Variants in NRG1 observed in about 807,000 individuals in gnomAD.
The protein encoded by NRG1 is pro-neuregulin-1, membrane-bound isoform.
NRG1 carries 18 observed loss-of-function variants against 63.8 expected under a neutral mutation model. That is an observed-to-expected ratio of 0.28 (90% confidence interval 0.19 to 0.42). The LOEUF is 0.42. Ranked by LOEUF, NRG1 falls within the 10% of genes least tolerant of loss-of-function variation. The pLI, the probability that NRG1 is intolerant of heterozygous loss-of-function variation, is 1.00. For synonymous variants in NRG1, 302 were observed against 301.3 expected (o/e 1.00, Z -0.02); for missense variants, 762 against 814.7 (o/e 0.94, Z 0.79).
chr8:32,089,710 G>T (rs539201131), intron 1 of NRG1, among the ~76,000 whole-genome samples: 28 of 152,240 alleles, frequency 1.8e-4, no homozygotes, highest in Non-Finnish European at 3.8e-4. Flanking sequence ...TGACAGAAAC[G>T]CTCATACATT....
At chr8:31,719,975 A>G (rs1812742431) in intron 1 of NRG1, among the ~76,000 whole-genome samples, 1 of 152,018 alleles carries the variant, frequency 6.6e-6, no homozygotes, top group African/African-American at 2.4e-5. Context: ...AGTTATAGGG[A>G]GGGTAAACAC....
At chr8:32,355,183 T>C (rs1033355138) in intron 1 of NRG1, among the ~76,000 whole-genome samples, 1 of 152,110 alleles carries the variant, frequency 6.6e-6, no homozygotes, top group Admixed American at 6.6e-5. Flanking sequence ...AGCAGTCTGG[T>C]TGTGGTGGCT....
intron 1 of NRG1, among the ~76,000 whole-genome samples, chr8:32,412,549 T>A (rs1815256335): frequency 6.7e-6 from 1 of 148,926 alleles, no homozygotes; most frequent in Admixed American, 6.8e-5. Flanking sequence ...CACTTAACAA[T>A]AGGATATATT....
rs1161918698 is a variant in NRG1, at chr8:32,236,284, GA to G, written c.38-359540del. Among the ~76,000 whole-genome samples the G allele has an allele frequency of 2.6e-5, 4 of 152,136 alleles. No individual in the cohort carries two copies. The East Asian group carries it at 5.8e-4, about 22-fold the overall frequency. On this transcript the variant is annotated intron_variant, in intron 1 of 10. Coordinates refer to the NRG1 transcript ENST00000519301. ...TAGCCCTGGAATCAAACCTGGGGGG[GA>G]AAATCAAATTATGATATTAAAGAAA...
intron 1 of NRG1, among the ~76,000 whole-genome samples, chr8:31,816,254 T>G (rs1465588717): frequency 6.6e-6 from 1 of 152,194 alleles, no homozygotes; most frequent in Non-Finnish European, 1.5e-5. Context: ...TGTGTGTCCC[T>G]GTTGTTGGGG....
At chr8:31,828,778 A>G (rs1414374038) in intron 1 of NRG1, among the ~76,000 whole-genome samples, 1 of 151,656 alleles carries the variant, frequency 6.6e-6, no homozygotes, top group Non-Finnish European at 1.5e-5. Context: ...AGCTTCATCC[A>G]CTCCCCTTCC....
intron 1 of NRG1, among the ~76,000 whole-genome samples, chr8:32,128,009 A>C (rs1834327406): frequency 6.6e-6 from 1 of 151,924 alleles, no homozygotes; most frequent in Non-Finnish European, 1.5e-5. Context: ...AATAAAGTAC[A>C]TATATTTTAC....
chr8:32,583,272 A>G (rs72634851), intron 1 of NRG1, among the ~76,000 whole-genome samples: 38,972 of 151,946 alleles, frequency 0.26, 5,117 homozygotes, highest in South Asian at 0.33. Flanking sequence ...AACTGTATTG[A>G]AATAGGTGTG....
chr8:32,595,951 A>G (rs749690045), exon 2 of NRG1: 15 of 1,613,952 alleles, frequency 9.3e-6, no homozygotes, highest in Non-Finnish European at 1.3e-5. Flanking sequence ...AAGAATGGGA[A>G]TGAATTGAAT....
chr8:32,116,128 A>G (rs1832679926), intron 1 of NRG1, among the ~76,000 whole-genome samples: 1 of 151,964 alleles, frequency 6.6e-6, no homozygotes, highest in Non-Finnish European at 1.5e-5. Context: ...AGACAACTCC[A>G]ATGGGGATAT....
At chr8:31,747,554 T>G (rs1816016377) in intron 1 of NRG1, among the ~76,000 whole-genome samples, 1 of 152,024 alleles carries the variant, frequency 6.6e-6, no homozygotes, top group Non-Finnish European at 1.5e-5. Flanking sequence ...GCATAGTCTC[T>G]TCTCTTATAT....
intron 1 of NRG1, among the ~76,000 whole-genome samples, chr8:32,092,033 G>T (rs1320363804): frequency 6.6e-6 from 1 of 151,762 alleles, no homozygotes; most frequent in South Asian, 2.1e-4. Flanking sequence ...AAGACACTAA[G>T]ACCATTCACA....
chr8:31,666,376 T>A (rs964808036), intron 1 of NRG1, among the ~76,000 whole-genome samples: 8 of 152,072 alleles, frequency 5.3e-5, no homozygotes, highest in Non-Finnish European at 1.0e-4. Flanking sequence ...TACCCTGACA[T>A]TGATGAGAGA....
intron 1 of NRG1, among the ~76,000 whole-genome samples, chr8:32,185,968 T>C (rs1841921223): frequency 6.6e-6 from 1 of 152,240 alleles, no homozygotes; most frequent in African/African-American, 2.4e-5. Context: ...AAAATGTTTT[T>C]GTCTCTGCAA....
chr8:32,492,731 A>G (rs1826748359), intron 1 of NRG1, among the ~76,000 whole-genome samples: 1 of 152,054 alleles, frequency 6.6e-6, no homozygotes, highest in Admixed American at 6.6e-5. Flanking sequence ...CTGCCTTTCC[A>G]TTGATTGGAA....
intron 5 of NRG1, among the ~76,000 whole-genome samples, chr8:32,711,964 T>G (rs1035525312): frequency 2.6e-5 from 4 of 152,172 alleles, no homozygotes; most frequent in Non-Finnish European, 5.9e-5. Flanking sequence ...TTTTAACATT[T>G]CACACCCAGT....
intron 1 of NRG1, among the ~76,000 whole-genome samples, chr8:31,709,935 A>C (rs964888299): frequency 1.3e-5 from 2 of 151,692 alleles, no homozygotes; most frequent in African/African-American, 4.8e-5. Flanking sequence ...ATAAATATTA[A>C]CTACCCTCTT....
At chr8:31,710,352 A>C (rs1030343789) in intron 1 of NRG1, among the ~76,000 whole-genome samples, 26 of 151,960 alleles carry the variant, frequency 1.7e-4, no homozygotes, top group Admixed American at 6.6e-5. Flanking sequence ...TAAATCCATA[A>C]ATATGGATTG....
chr8:32,120,631 T>A (rs1436357310), intron 1 of NRG1, among the ~76,000 whole-genome samples: 1 of 152,002 alleles, frequency 6.6e-6, no homozygotes, highest in Non-Finnish European at 1.5e-5. Context: ...AAGTTTTTTT[T>A]ATTATTATAG....
Sources: allele counts gnomAD v4.1 joint callset (sites outside exome capture counted in the v4.1 genomes callset), GRCh38; gene constraint gnomAD v4.1.1; transcripts MANE v1.5; gene names NCBI Gene and HGNC (gene_info 2026-07-23, HGNC 2026-07-21).